The following PAPSS1 variants were observed in gnomAD, a reference collection of about 807,000 sequenced individuals.
The protein encoded by PAPSS1 is bifunctional 3'-phosphoadenosine 5'-phosphosulfate synthase 1.
PAPSS1 carries 50 observed loss-of-function variants against 72.0 expected under a neutral mutation model. That is an observed-to-expected ratio of 0.69 (90% CI 0.55 to 0.88). The LOEUF (loss-of-function observed/expected upper bound fraction) is 0.88, where lower values mean the gene tolerates loss of function less well. Among genes scored for constraint, PAPSS1 ranks in the 40% least tolerant of loss-of-function variants. The pLI is 0.00. For synonymous variants in PAPSS1, 261 were observed against 263.6 expected, an observed-to-expected ratio of 0.99 and a Z score of 0.09; for missense variants, 657 against 782.2, an observed-to-expected ratio of 0.84 and a Z score of 1.91.
intron 5 of PAPSS1, among the ~76,000 whole-genome samples, chr4:107,660,997 A>G (rs151125847): frequency 1.3e-3 from 199 of 152,344 alleles, no homozygotes; most frequent in African/African-American, 4.5e-3. Flanking sequence ...AAAATAAACA[A>G]TTAAAACTCA....
chr4:107,706,282 G>A (rs1366642126), intron 1 of PAPSS1, among the ~76,000 whole-genome samples: 2 of 151,960 alleles, frequency 1.3e-5, no homozygotes, highest in Non-Finnish European at 2.9e-5. Flanking sequence ...TTGTACTTTT[G>A]ATGCTGTCCT....
chr4:107,719,101 G>A (rs1305874337), intron 1 of PAPSS1, among the ~76,000 whole-genome samples: 3 of 151,866 alleles, frequency 2.0e-5, no homozygotes, highest in African/African-American at 7.3e-5. Flanking sequence ...TAAAAGGAGA[G>A]AGGAATCAGT....
chr4:107,643,264 G>T (rs1560569841), intron 10 of PAPSS1, among the ~76,000 whole-genome samples: 2 of 152,196 alleles, frequency 1.3e-5, no homozygotes, highest in Non-Finnish European at 2.9e-5. Context: ...AAGGGAGCGG[G>T]CTCTCCAGCA....
Position 107,614,384 on chromosome 4 carries a change from A to G in PAPSS1, c.1740T>C (p.His580=), listed in dbSNP as rs768649817. 5 of 1,612,894 alleles carry G rather than the reference A, an allele frequency of 3.1e-6. No homozygotes were observed. Among genetic ancestry groups the G allele is most frequent in the Non-Finnish European group, 4.2e-6 (5 of 1,179,172 alleles). The change falls in exon 12 of 12, where the codon CAT becomes CAC. Residue 580 remains histidine (H), a synonymous_variant. Transcript: ENST00000265174. ...KRMDYYDSEH[H]EDFEFISGTR... ...TTCCTGAAATAAATTCAAAGTCTTC[A>G]TGGCTAAAGGAGAGGAAAAAAAGAA...
At chr4:107,643,015 G>A (rs1390298115) in intron 10 of PAPSS1, among the ~76,000 whole-genome samples, 1 of 152,186 alleles carries the variant, frequency 6.6e-6, no homozygotes, top group Non-Finnish European at 1.5e-5. Flanking sequence ...GCAAAAATCT[G>A]TAAAGTGCCC....
chr4:107,639,700 T>C (rs1467228302), intron 10 of PAPSS1, among the ~76,000 whole-genome samples: 5 of 152,210 alleles, frequency 3.3e-5, no homozygotes, highest in African/African-American at 9.6e-5. Flanking sequence ...TAGGTGTCTA[T>C]GGCTTGTATA....
intron 5 of PAPSS1, among the ~76,000 whole-genome samples, chr4:107,679,917 T>C (rs1016173145): frequency 6.6e-6 from 1 of 152,150 alleles, no homozygotes; most frequent in African/African-American, 2.4e-5. Flanking sequence ...AATGACAGAA[T>C]TGTTTTTTAA....
intron 11 of PAPSS1, among the ~76,000 whole-genome samples, chr4:107,629,862 G>A (rs975077403): frequency 6.6e-6 from 1 of 152,156 alleles, no homozygotes; most frequent in Non-Finnish European, 1.5e-5. Flanking sequence ...AAAACGCCCA[G>A]GAAAGCTTCA....
At chr4:107,707,336 T>G (rs1215498982) in intron 1 of PAPSS1, among the ~76,000 whole-genome samples, 1 of 152,170 alleles carries the variant, frequency 6.6e-6, no homozygotes, top group Non-Finnish European at 1.5e-5. Flanking sequence ...CCAGGGCCAC[T>G]GGGGCCAGCC....
chr4:107,617,069 G>C lies in PAPSS1; in HGVS notation c.1737-2682C>G, dbSNP rs116424963. ...GTGGGCTATCCACTCACTAGGGTGGGCTCTAGAACATGAAAGAAGTGTTAT... is the reference window on the plus strand; with the variant it reads ...GTGGGCTATCCACTCACTAGGGTGGCCTCTAGAACATGAAAGAAGTGTTAT... On this transcript the variant is annotated intron_variant, in intron 11 of 11. Coordinates refer to ENST00000265174, the MANE Select transcript of PAPSS1 (RefSeq NM_005443.5). 3.2e-3 allele frequency among the ~76,000 whole-genome samples: 483 copies of C among 152,062 alleles called. 4 individuals carry two copies. The highest frequency in any genetic ancestry group is 0.011 in the African/African-American group (462 of 41,486).
chr4:107,619,101 T>G (rs994651024), intron 11 of PAPSS1, among the ~76,000 whole-genome samples: 4 of 152,208 alleles, frequency 2.6e-5, no homozygotes, highest in Admixed American at 6.5e-5. Context: ...ATAAAGTGCT[T>G]GTTGTTGAAG....
chr4:107,618,959 T>C (rs1427365059), intron 11 of PAPSS1, among the ~76,000 whole-genome samples: 1 of 152,188 alleles, frequency 6.6e-6, no homozygotes, highest in Non-Finnish European at 1.5e-5. Flanking sequence ...CTGAATGTGT[T>C]TCAGTTCCTT....
Position 107,653,532 on chromosome 4 carries a change from G to T in PAPSS1, c.1196C>A (p.Thr399Asn). 1 of 1,612,084 alleles carries T rather than the reference G, an allele frequency of 6.2e-7. No individual in the cohort carries two copies. Residue 399 changes from threonine to asparagine, a missense_variant, in exon 9 of 12, where the codon ACT (threonine) becomes AAT (asparagine). Physicochemically the swap from Thr to Asn is moderately conservative, Grantham distance 65. Transcript: ENST00000265174. ...AAATTTCTGCTTTAGCTCAGTAGGA[G>T]TAAGACGATACTGATCAAGACCATC... ...WNDGLDQYRL[T>N]PTELKQKFKD...
chr4:107,640,246 GA>G (rs1726500582), intron 10 of PAPSS1, among the ~76,000 whole-genome samples: 2 of 152,094 alleles, frequency 1.3e-5, no homozygotes, highest in African/African-American at 2.4e-5. Flanking sequence ...TTTAGCATTA[GA>G]AAGTTAACAC....
At chr4:107,672,083 G>A (rs1219040977) in intron 5 of PAPSS1, among the ~76,000 whole-genome samples, 1 of 152,144 alleles carries the variant, frequency 6.6e-6, no homozygotes, top group Non-Finnish European at 1.5e-5. Context: ...AGATGGAGGT[G>A]GGTGGTGCCA....
chr4:107,684,739 T>A (rs1467394360), intron 4 of PAPSS1, among the ~76,000 whole-genome samples: 1 of 152,160 alleles, frequency 6.6e-6, no homozygotes, highest in Non-Finnish European at 1.5e-5. Context: ...CTTTGAGTTG[T>A]CCCACCTTTC....
chr4:107,627,690 T>C (rs1436851769), intron 11 of PAPSS1, among the ~76,000 whole-genome samples: 1 of 152,182 alleles, frequency 6.6e-6, no homozygotes, highest in Non-Finnish European at 1.5e-5. Flanking sequence ...CCTTTTGTGG[T>C]AAAGCAGTTC....
At position 107,631,925 on chromosome 4, in the gene PAPSS1, G is replaced by A. The variant is rs1265010083; in HGVS notation, c.1507-65C>T. 8.1e-5 allele frequency: 78 copies of A among 967,230 alleles called. 1 individual carries two copies. The highest frequency in any genetic ancestry group is 8.8e-5 in the Non-Finnish European group (57 of 647,706). The allele number at this position is 967,230 out of a possible 1,614,324, so 59.9% of individuals were successfully genotyped here. On this transcript the variant is annotated intron_variant, in intron 10 of 11. Coordinates refer to ENST00000265174, the MANE Select transcript of PAPSS1 (RefSeq NM_005443.5). ...GACTATGTACTTAGAAATAGTAAGTGGATAATAAATGCATATGCTTTTTAT... is the reference window on the plus strand; with the variant it reads ...GACTATGTACTTAGAAATAGTAAGTAGATAATAAATGCATATGCTTTTTAT...
intron 1 of PAPSS1, among the ~76,000 whole-genome samples, chr4:107,706,791 C>T (rs971556741): frequency 9.2e-5 from 14 of 152,182 alleles, no homozygotes; most frequent in Non-Finnish European, 4.4e-5. Context: ...TCAGCCTGTC[C>T]AATCTGGGAA....
Sources: gnomAD v4.1 joint callset for allele counts (sites outside exome capture counted in the v4.1 genomes callset) on GRCh38, gnomAD v4.1.1 for gene constraint, MANE v1.5 for transcripts, NCBI Gene and HGNC (gene_info 2026-07-23, HGNC 2026-07-21) for gene names.